The following SHISAL2B variants were observed in gnomAD, a reference collection of about 807,000 sequenced individuals.
SHISAL2B encodes the protein protein shisa-like-2B.
SHISAL2B carries 12 observed loss-of-function variants against 16.5 expected under a neutral mutation model. The observed-to-expected ratio is 0.73, with a 90% CI of 0.47 to 1.18. SHISAL2B has a LOEUF of 1.18. Ranked by LOEUF, SHISAL2B falls within the 50% of genes most tolerant of loss-of-function variation. The probability of loss-of-function intolerance (pLI) is 0.00; values close to 1 mark genes in which losing one functional copy is unlikely to be tolerated. For synonymous variants in SHISAL2B, 72 were observed against 75.0 expected (o/e 0.96, Z 0.21); for missense variants, 183 against 193.6 (o/e 0.95, Z 0.33).
At chr5:64,707,835 T>G (rs1741894970) in intron 2 of SHISAL2B, among the ~76,000 whole-genome samples, 1 of 152,230 alleles carries the variant, frequency 6.6e-6, no homozygotes. Flanking sequence ...GTCCATGCAC[T>G]TAACTCTGGT....
chr5:64,691,585 T>C (rs952478154), intron 1 of SHISAL2B: 1 of 152,206 alleles, frequency 6.6e-6, no homozygotes, highest in African/African-American at 2.4e-5. Flanking sequence ...TGGCTATTGC[T>C]GGAATGTGAA....
chr5:64,697,283 T>A (rs1741751903), intron 2 of SHISAL2B, among the ~76,000 whole-genome samples: 1 of 152,204 alleles, frequency 6.6e-6, no homozygotes, highest in Non-Finnish European at 1.5e-5. Context: ...GTGTCTACTG[T>A]GTACAGAGTT....
intron 2 of SHISAL2B, among the ~76,000 whole-genome samples, chr5:64,714,984 C>T (rs1053416650): frequency 1.3e-5 from 2 of 152,122 alleles, no homozygotes; most frequent in African/African-American, 2.4e-5. Context: ...GATGGAAATG[C>T]AGAAATCACC....
chr5:64,717,685 A>G (rs1407788161), intron 2 of SHISAL2B, among the ~76,000 whole-genome samples: 1 of 152,172 alleles, frequency 6.6e-6, no homozygotes, highest in Non-Finnish European at 1.5e-5. Context: ...AAATTTTTTT[A>G]TTACTGAATT....
At position 64,690,697 on chromosome 5, in the gene SHISAL2B, C is replaced by G. The variant is rs756959762; in HGVS notation, c.74C>G (p.Pro25Arg). The part of the protein sequence containing the change: ...NQSFVEPFQC[P>R]RRGEGAALQY... Reference sequence around the variant, plus strand: ...AGCTTCGTGGAGCCCTTCCAGTGCCCCCGGCGCGGCGAGGGGGCAGCGCTC... The same window carrying G: ...AGCTTCGTGGAGCCCTTCCAGTGCCGCCGGCGCGGCGAGGGGGCAGCGCTC... Residue 25 changes from proline to arginine, a missense_variant, in exon 1 of 3, where the codon CCC becomes CGC. Coordinates refer to ENST00000389074, the MANE Select transcript of SHISAL2B (RefSeq NM_001164442.2). 1 of 1,535,146 alleles carries G rather than the reference C, an allele frequency of 6.5e-7. No homozygotes were observed. The highest frequency in any genetic ancestry group is 1.4e-5 in the African/African-American group (1 of 72,994).
At chr5:64,717,180 G>A (rs1054660290) in intron 2 of SHISAL2B, among the ~76,000 whole-genome samples, 1 of 152,202 alleles carries the variant, frequency 6.6e-6, no homozygotes, top group African/African-American at 2.4e-5. Flanking sequence ...AATCAAAGAA[G>A]ATGAGAATGA....
rs748358422 is a variant in SHISAL2B, at chr5:64,690,654, T to G, written c.31T>G (p.Tyr11Asp). ...CGAGGCCAGCCGACTGTGCTCCGGC[T>G]ACTACAGCCTCAACCAGAGCTTCGT... MSEASRLCSG[Y>D]YSLNQSFVEP... Residue 11 changes from tyrosine (Y) to aspartate (D), a missense_variant, in exon 1 of 3, where the codon TAC becomes GAC. Physicochemically the swap from Tyr to Asp is radical, Grantham distance 160 (BLOSUM62 -3). Coordinates refer to ENST00000389074, the MANE Select transcript of SHISAL2B (RefSeq NM_001164442.2). 35 of 1,524,822 alleles carry G rather than the reference T, an allele frequency of 2.3e-5. No individual in the cohort carries two copies. The highest frequency in any genetic ancestry group is 2.8e-5 in the Non-Finnish European group (32 of 1,139,936). The allele number at this position is 1,524,822 out of a possible 1,614,324, so 94.5% of individuals were successfully genotyped here.
At chr5:64,698,137 A>C (rs1741764344) in intron 2 of SHISAL2B, among the ~76,000 whole-genome samples, 1 of 152,202 alleles carries the variant, frequency 6.6e-6, no homozygotes, top group South Asian at 2.1e-4. Flanking sequence ...TGCTTAGGTA[A>C]AGTTGCAGTT....
chr5:64,700,141 C>G (rs112384239), intron 2 of SHISAL2B, among the ~76,000 whole-genome samples: 3 of 152,084 alleles, frequency 2.0e-5, no homozygotes, highest in African/African-American at 7.2e-5. Context: ...GAAAGGCACC[C>G]TTCTGAGTCT....
intron 1 of SHISAL2B, chr5:64,694,156 A>G: frequency 2.2e-6 from 1 of 452,388 alleles, no homozygotes. Context: ...AAGATAATGA[A>G]GAAAAAGATC....
chr5:64,704,903 A>C (rs1741855501), intron 2 of SHISAL2B, among the ~76,000 whole-genome samples: 1 of 152,110 alleles, frequency 6.6e-6, no homozygotes, highest in South Asian at 2.1e-4. Flanking sequence ...ATGTCCAATT[A>C]CTCTAAGTTA....
At chr5:64,690,929 G>C in intron 1 of SHISAL2B, 115 bp downstream of exon 1, 1 of 912,234 alleles carries the variant, frequency 1.1e-6, no homozygotes, top group Non-Finnish European at 1.5e-6. Context: ...TCCGCCCTAG[G>C]TTAGGTCCCT....
intron 2 of SHISAL2B, among the ~76,000 whole-genome samples, chr5:64,698,568 G>A (rs1314212696): frequency 6.6e-6 from 1 of 152,074 alleles, no homozygotes; most frequent in Non-Finnish European, 1.5e-5. Flanking sequence ...TTACTCAAAA[G>A]TTACCTTCCC....
chr5:64,697,617 G>T (rs1241601816), intron 2 of SHISAL2B, among the ~76,000 whole-genome samples: 2 of 151,788 alleles, frequency 1.3e-5, no homozygotes, highest in Non-Finnish European at 2.9e-5. Context: ...AACAAATCTA[G>T]AATATACATT....
chr5:64,699,759 T>G (rs896446322), intron 2 of SHISAL2B, among the ~76,000 whole-genome samples: 1 of 152,198 alleles, frequency 6.6e-6, no homozygotes, highest in African/African-American at 2.4e-5. Context: ...ACTGAACTTT[T>G]TTCCCTCTAT....
At chr5:64,716,394 C>T (rs1275200686) in intron 2 of SHISAL2B, among the ~76,000 whole-genome samples, 2 of 152,136 alleles carry the variant, frequency 1.3e-5, no homozygotes, top group Non-Finnish European at 2.9e-5. Flanking sequence ...TTTATAGACA[C>T]ATCATTAATG....
intron 2 of SHISAL2B, among the ~76,000 whole-genome samples, chr5:64,711,244 T>G (rs1317853488): frequency 4.2e-5 from 6 of 142,506 alleles, no homozygotes; most frequent in African/African-American, 1.7e-4. Flanking sequence ...GTTTTTAGCA[T>G]GAAGGGTTGT....
intron 2 of SHISAL2B, among the ~76,000 whole-genome samples, chr5:64,709,539 T>G (rs1741924881): frequency 6.6e-6 from 1 of 151,172 alleles, no homozygotes; most frequent in Admixed American, 6.6e-5. Flanking sequence ...TTATAGTCAT[T>G]TGGGTATATA....
chr5:64,690,858 G>A (rs765103172), intron 1 of SHISAL2B, 44 bp downstream of exon 1: 100 of 1,445,820 alleles, frequency 6.9e-5, no homozygotes, highest in South Asian at 6.3e-4. Context: ...CGAGCCCGGG[G>A]CTAGGGAGGC....
Sources: allele counts gnomAD v4.1 joint callset (sites outside exome capture counted in the v4.1 genomes callset), GRCh38; gene constraint gnomAD v4.1.1; transcripts MANE v1.5; gene names NCBI Gene and HGNC (gene_info 2026-07-23, HGNC 2026-07-21).